The following ZSCAN32 variants were observed in gnomAD, a reference collection of about 807,000 sequenced individuals.
ZSCAN32 encodes zinc finger and SCAN domain containing 32.
ZSCAN32 carries 52 observed loss-of-function variants against 47.4 expected under a neutral mutation model. The ratio of observed to expected loss-of-function variants is 1.10; its 90% CI spans 0.88 to 1.38. The LOEUF is 1.38. Among genes scored for constraint, ZSCAN32 ranks in the 40% most tolerant of loss-of-function variants. ZSCAN32 has a pLI of 0.00. For missense variants in ZSCAN32, 959 were observed against 846.0 expected (o/e 1.13, Z -1.66); for synonymous variants, 346 against 305.7 (o/e 1.13, Z -1.38).
intron 2 of ZSCAN32, among the ~76,000 whole-genome samples, chr16:3,395,215 G>A (rs1464583338): frequency 2.0e-5 from 3 of 152,158 alleles, no homozygotes; most frequent in Non-Finnish European, 4.4e-5. Context: ...GTACTGAGAG[G>A]CAAGTGGGGT....
Position 3,383,263 on chromosome 16 carries a change from G to C in ZSCAN32, c.1683C>G (p.Arg561=). The C allele has an allele frequency of 6.2e-7, 1 of 1,614,182 alleles. No homozygotes were observed. The highest frequency in any genetic ancestry group is 8.5e-7 in the Non-Finnish European group (1 of 1,180,014). ...CSECGKGFSE[R]SNLTAHLRTH... is the part of the protein sequence containing the mutation. ...TTCGTAGGTGGGCAGTGAGGTTGGA[G>C]CGCTCACTAAAGCCCTTCCCGCACT... Residue 561 remains arginine (R), a synonymous_variant, in exon 7 of 7, where the codon CGC becomes CGG. Coordinates refer to ENST00000396852, the MANE Select transcript of ZSCAN32 (RefSeq NM_001284527.2).
intron 1 of ZSCAN32, among the ~76,000 whole-genome samples, chr16:3,398,378 C>T (rs541049265): frequency 2.0e-5 from 3 of 152,176 alleles, no homozygotes; most frequent in African/African-American, 7.2e-5. Flanking sequence ...GCATCCCCAA[C>T]CAGTCAGCAT....
rs747200084 is a variant in ZSCAN32 at position 3,384,948 on chromosome 16, G to C, written c.752-7C>G. On this transcript the variant is annotated splice_polypyrimidine_tract_variant and splice_region_variant and intron_variant, in intron 5 of 6. Coordinates refer to ENST00000396852, the MANE Select transcript of ZSCAN32 (RefSeq NM_001284527.2). The stretch of plus-strand genomic sequence containing the variant: ...CCCCAGGGCACACCTGTTGCTGGGG[G>C]ACAAAGAATAGGTCAATTAGATCTG... The C allele has an allele frequency of 3.7e-6, 6 of 1,607,928 alleles. No individual in the cohort carries two copies. The highest frequency in any genetic ancestry group is 3.4e-6 in the Non-Finnish European group (4 of 1,178,282).
chr16:3,388,204 C>T (rs796940217), intron 5 of ZSCAN32, among the ~76,000 whole-genome samples: 31 of 152,312 alleles, frequency 2.0e-4, no homozygotes, highest in African/African-American at 6.5e-4. Context: ...TTTCTGAGCT[C>T]GTTTTCTCAT....
intron 6 of ZSCAN32, chr16:3,384,150 C>A: frequency 1.8e-6 from 1 of 542,190 alleles, no homozygotes; most frequent in Non-Finnish European, 3.2e-6. Context: ...AAGGCAAGGC[C>A]ATGCTAGAGA....
In ZSCAN32 at chr16:3,397,102, G is replaced by GT. The variant is rs142198685; in HGVS notation, c.366+89dup. 935 of 1,438,302 alleles carry GT rather than the reference G, an allele frequency of 6.5e-4. 9 individuals are homozygous for GT. The African/African-American group carries it at 0.011, about 18-fold the overall frequency. The allele number at this position is 1,438,302 out of a possible 1,614,324, so 89.1% of individuals were successfully genotyped here. On this transcript the variant is annotated intron_variant, in intron 2 of 6. Transcript: ENST00000396852. ...CTTCTGTGGGCAGCAGAGGGCTACT[G>GT]TGTGTTTCTCAACCAAGCACCTCTC...
intron 5 of ZSCAN32, among the ~76,000 whole-genome samples, chr16:3,389,015 A>C (rs2032341903): frequency 6.6e-6 from 1 of 152,226 alleles, no homozygotes; most frequent in Non-Finnish European, 1.5e-5. Flanking sequence ...TTCACCTAAT[A>C]AGTTAAAAAT....
chr16:3,383,491 C>G lies in ZSCAN32; in HGVS notation c.1455G>C (p.Gln485His). The change falls in exon 7 of 7, where the codon CAG becomes CAC. Residue 485 changes from glutamine to histidine, a missense_variant. Transcript: ENST00000396852. ...KTPSQEKMSHQSFCARDKACT... is the reference protein window; with the variant it reads ...KTPSQEKMSHHSFCARDKACT... The stretch of plus-strand genomic sequence containing the variant: ...AGGCTTTGTCCCTGGCACAAAAACT[C>G]TGGTGACTCATCTTCTCCTGGGATG... 6.2e-7 allele frequency: 1 copy of G among 1,614,162 alleles called. No homozygotes were observed. Among genetic ancestry groups the G allele is most frequent in the Non-Finnish European group, 8.5e-7 (1 of 1,180,026 alleles).
In ZSCAN32 at chr16:3,390,077, G is replaced by C; in HGVS notation, c.684C>G (p.Cys228Trp). 2 of 1,614,022 alleles carry C rather than the reference G, an allele frequency of 1.2e-6. No individual in the cohort carries two copies. Among genetic ancestry groups the C allele is most frequent in the Non-Finnish European group, 1.7e-6 (2 of 1,179,972 alleles). Residue 228 changes from cysteine to tryptophan, a missense_variant, in exon 5 of 7, where the codon TGC becomes TGG. Physicochemically the swap from Cys to Trp is radical, Grantham distance 215. Coordinates refer to ENST00000396852, the MANE Select transcript of ZSCAN32 (RefSeq NM_001284527.2). Reference sequence around the variant, plus strand: ...AGAGGGCCCTTTGTGCAGGGCCTGGGCACATCCATTCTTGCTGACAGAGGG... The same window carrying C: ...AGAGGGCCCTTTGTGCAGGGCCTGGCCACATCCATTCTTGCTGACAGAGGG... ...AVSLCQQEWM[C>W]PGPAQRALYR...
rs1431409137 is a variant in ZSCAN32 at position 3,397,451 on chromosome 16, G to A, written c.107C>T (p.Ser36Phe). Residue 36 changes from serine (S) to phenylalanine (F), a missense_variant, in exon 2 of 7, where the codon TCC becomes TTC. Physicochemically the swap from Ser to Phe is radical, Grantham distance 155 (BLOSUM62 -2). Coordinates refer to ENST00000396852, the MANE Select transcript of ZSCAN32 (RefSeq NM_001284527.2). Reference protein sequence around the residue: ...LQGNSPDSEASRQRFRQFCYQ... With the variant: ...LQGNSPDSEAFRQRFRQFCYQ... ...GCAAAACTGCCTGAAGCGCTGACGG[G>A]AGGCCTCGGAGTCAGGGCTGTTACC... The A allele has an allele frequency of 2.6e-6, 4 of 1,550,898 alleles. No individual in the cohort carries two copies. Among genetic ancestry groups the A allele is most frequent in the Admixed American group, 3.9e-5 (2 of 51,018 alleles).
In ZSCAN32 at chr16:3,383,540, G is replaced by A. The variant is rs750249506; in HGVS notation, c.1406C>T (p.Pro469Leu). 1.9e-6 allele frequency: 3 copies of A among 1,614,030 alleles called. No individual in the cohort carries two copies. The highest frequency in any genetic ancestry group is 1.7e-5 in the Admixed American group (1 of 60,002). ...PTSRRQCRNS[P>L]GESEEKTPSQ... ...TGGGGTTTTCTCCTCACTCTCCCCT[G>A]GAGAATTTCTACATTGCCTTCTTGA... Residue 469 changes from proline (P) to leucine (L), a missense_variant, in exon 7 of 7, where the codon CCA (proline) becomes CTA (leucine). Pro to Leu is a moderately conservative substitution (Grantham distance 98). Coordinates refer to ENST00000396852, the MANE Select transcript of ZSCAN32 (RefSeq NM_001284527.2).
intron 5 of ZSCAN32, 71 bp downstream of exon 5, chr16:3,389,939 C>T: frequency 6.8e-7 from 1 of 1,464,426 alleles, no homozygotes. Context: ...CTCCCTCCCT[C>T]TCAAGTCCTT....
At position 3,383,483 on chromosome 16, in the gene ZSCAN32, CAA is replaced by C; in HGVS notation, c.1461_1462del (p.Phe487LeufsTer38). ...ATGTGTACAGGCTTTGTCCCTGGCA[CAA>C]AAACTCTGGTGACTCATCTTCTCCT... On this transcript the variant is annotated frameshift_variant, in exon 7 of 7. Coordinates refer to ENST00000396852, the MANE Select transcript of ZSCAN32 (RefSeq NM_001284527.2). LOFTEE classifies it low-confidence loss of function (END_TRUNC). 2 of 1,614,106 alleles carry C rather than the reference CAA, an allele frequency of 1.2e-6. No homozygotes were observed. The highest frequency in any genetic ancestry group is 1.7e-6 in the Non-Finnish European group (2 of 1,180,016).
intron 3 of ZSCAN32, among the ~76,000 whole-genome samples, chr16:3,392,176 C>T (rs1401777948): frequency 2.0e-5 from 3 of 152,236 alleles, no homozygotes; most frequent in African/African-American, 7.2e-5. Context: ...TATGAAATGT[C>T]CACAACAGGT....
intron 2 of ZSCAN32, among the ~76,000 whole-genome samples, chr16:3,396,069 A>C (rs2033343177): frequency 6.6e-6 from 1 of 152,314 alleles, no homozygotes; most frequent in East Asian, 1.9e-4. Flanking sequence ...GAGACCATCA[A>C]ACAGAGTGAT....
Position 3,384,881 on chromosome 16 carries a change from G to C in ZSCAN32, c.812C>G (p.Ser271Cys). Residue 271 changes from serine (S) to cysteine (C), a missense_variant, in exon 6 of 7, where the codon TCT becomes TGT. Ser to Cys is a moderately radical substitution (Grantham distance 112, BLOSUM62 -1). Coordinates refer to ENST00000396852, the MANE Select transcript of ZSCAN32 (RefSeq NM_001284527.2). ...TKTLLAILSS[S>C]QFYGKLQTCQ... ...GGTCTGGAGTTTTCCATAAAATTGA[G>C]AACTACTAAGAATAGCCAGGAGCGT... 3 of 1,614,112 alleles carry C rather than the reference G, an allele frequency of 1.9e-6. No individual in the cohort carries two copies. Among genetic ancestry groups the C allele is most frequent in the Non-Finnish European group, 2.5e-6 (3 of 1,180,008 alleles).
intron 5 of ZSCAN32, among the ~76,000 whole-genome samples, chr16:3,388,547 G>GT (rs956504891): frequency 2.6e-5 from 4 of 152,294 alleles, no homozygotes; most frequent in South Asian, 2.1e-4. Context: ...ATCTTTATCT[G>GT]TTTGTTCACT....
intron 5 of ZSCAN32, among the ~76,000 whole-genome samples, chr16:3,386,939 A>T (rs1043335929): frequency 1.2e-3 from 3 of 2,460 alleles, no homozygotes; most frequent in African/African-American, 5.2e-3. Flanking sequence ...CTTAAAGTAT[A>T]AAAAAAAAAA....
intron 5 of ZSCAN32, among the ~76,000 whole-genome samples, chr16:3,386,608 A>G (rs371085228): frequency 1.3e-5 from 2 of 152,222 alleles, no homozygotes; most frequent in South Asian, 4.1e-4. Flanking sequence ...ATACTATGCA[A>G]CCATAAAAAA....
Sources: gnomAD v4.1 joint callset for allele counts (sites outside exome capture counted in the v4.1 genomes callset) on GRCh38, gnomAD v4.1.1 for gene constraint, MANE v1.5 for transcripts, NCBI Gene and HGNC (gene_info 2026-07-23, HGNC 2026-07-21) for gene names.